Variants in GAS2 observed in about 807,000 individuals in gnomAD.
GAS2 encodes growth arrest specific 2.
GAS2 carries 20 observed loss-of-function variants against 37.5 expected under a neutral mutation model. The ratio of observed to expected loss-of-function variants is 0.53; its 90% CI spans 0.37 to 0.77. The LOEUF is 0.77. GAS2 is among the 30% of genes least tolerant of loss of function. GAS2 has a pLI of 0.00. For synonymous variants in GAS2, 144 were observed against 132.2 expected (o/e 1.09, Z -0.61); for missense variants, 336 against 373.4 (o/e 0.90, Z 0.82).
intron 7 of GAS2, among the ~76,000 whole-genome samples, chr11:22,789,315 CACACACACACACACACAA>C (rs1173328636): frequency 7.4e-6 from 1 of 134,424 alleles, no homozygotes; most frequent in African/African-American, 2.9e-5. Flanking sequence ...CACACACACA[CACACACACACACACACAA>C]ACACACACAC....
intron 3 of GAS2, among the ~76,000 whole-genome samples, chr11:22,704,389 T>C (rs1429791499): frequency 6.6e-6 from 1 of 151,666 alleles, no homozygotes; most frequent in Non-Finnish European, 1.5e-5. Flanking sequence ...AAAAGGTTAA[T>C]CTGGCATTGC....
At chr11:22,642,758 A>G (rs543220030) in intron 1 of GAS2, among the ~76,000 whole-genome samples, 1 of 152,224 alleles carries the variant, frequency 6.6e-6, no homozygotes, top group African/African-American at 2.4e-5. Flanking sequence ...CCACTAAAAA[A>G]AATGATTTTA....
rs147447410 is a variant in GAS2, at chr11:22,699,624, A to G, written c.267+13835A>G. Among the ~76,000 whole-genome samples, 530 of 152,270 alleles carry G rather than the reference A, an allele frequency of 3.5e-3. 3 individuals carry two copies. The highest frequency in any genetic ancestry group is 0.012 in the African/African-American group (494 of 41,566). On this transcript the variant is annotated intron_variant, in intron 3 of 7. Coordinates refer to ENST00000454584, the MANE Select transcript of GAS2 (RefSeq NM_001143830.3). ...GAGGGCAGCTGAACAGAAATGGTTAATAGTGTATACTCAGTAGTCATACTA... is the reference window on the plus strand; with the variant it reads ...GAGGGCAGCTGAACAGAAATGGTTAGTAGTGTATACTCAGTAGTCATACTA...
chr11:22,760,666 A>G (rs531475884), intron 7 of GAS2, among the ~76,000 whole-genome samples: 11 of 152,350 alleles, frequency 7.2e-5, no homozygotes, highest in Non-Finnish European at 1.5e-4. Flanking sequence ...TTATATTTAC[A>G]TATAAAATAG....
chr11:22,789,454 A>ATATATATATATATATATTT (rs1564889924), intron 7 of GAS2, among the ~76,000 whole-genome samples: 1 of 61,214 alleles, frequency 1.6e-5, no homozygotes, highest in Non-Finnish European at 3.3e-5. Context: ...ATATATATAT[A>ATATATATATATATATATTT]TTCTTTTTTT....
At chr11:22,688,586 C>A (rs1290581072) in intron 3 of GAS2, among the ~76,000 whole-genome samples, 1 of 151,858 alleles carries the variant, frequency 6.6e-6, no homozygotes. Flanking sequence ...TTTTAAACAG[C>A]CATTTCAATA....
intron 1 of GAS2, among the ~76,000 whole-genome samples, chr11:22,627,048 C>G (rs1325912560): frequency 6.6e-6 from 1 of 152,236 alleles, no homozygotes; most frequent in Non-Finnish European, 1.5e-5. Flanking sequence ...CCGCCTCGGC[C>G]TCCCAAAGTG....
chr11:22,764,460 TGA>T (rs1357566273), intron 7 of GAS2, among the ~76,000 whole-genome samples: 1 of 148,802 alleles, frequency 6.7e-6, no homozygotes, highest in African/African-American at 2.5e-5. Context: ...CTCCGGAGGC[TGA>T]GTCAGGAGAA....
upstream of GAS2, among the ~76,000 whole-genome samples, chr11:22,663,798 T>C (rs1848943623): frequency 6.6e-6 from 1 of 152,204 alleles, no homozygotes; most frequent in African/African-American, 2.4e-5. Context: ...CGTAACACTA[T>C]TTGTAATGAC....
intron 1 of GAS2, among the ~76,000 whole-genome samples, chr11:22,629,377 G>A (rs1858713751): frequency 6.6e-6 from 1 of 151,962 alleles, no homozygotes; most frequent in Admixed American, 6.6e-5. Context: ...CCAGGGTAAG[G>A]TAGTATCCTT....
chr11:22,737,674 T>C (rs1472745153), intron 4 of GAS2, 31 bp from the exon 5 acceptor site: 1 of 1,608,406 alleles, frequency 6.2e-7, no homozygotes, highest in Admixed American at 1.7e-5. Flanking sequence ...CCTTCTATTG[T>C]AAAGGTGTTC....
At chr11:22,679,614 T>C (rs1320558424) in intron 2 of GAS2, among the ~76,000 whole-genome samples, 2 of 152,130 alleles carry the variant, frequency 1.3e-5, no homozygotes, top group Non-Finnish European at 2.9e-5. Context: ...AAATAAGCGT[T>C]CTCAAATTGT....
At position 22,700,543 on chromosome 11, in the gene GAS2, C is replaced by T. The variant is rs567236425; in HGVS notation, c.267+14754C>T. On this transcript the variant is annotated intron_variant, in intron 3 of 7. Coordinates refer to ENST00000454584, the MANE Select transcript of GAS2 (RefSeq NM_001143830.3). ...CAAGAGATTGGCTGAAGTAACAGAC[C>T]ATGGGGATTTAAACTAGTTAAGAAA... is the stretch of plus-strand genomic sequence containing the variant. 2.0e-5 allele frequency among the ~76,000 whole-genome samples: 3 copies of T among 152,118 alleles called. No homozygotes were observed. The East Asian group carries it at 5.8e-4, about 29-fold the overall frequency.
chr11:22,697,417 G>C (rs1850586347), intron 3 of GAS2, among the ~76,000 whole-genome samples: 2 of 152,236 alleles, frequency 1.3e-5, no homozygotes, highest in South Asian at 4.2e-4. Context: ...GGATTGACTT[G>C]GCGATGCGGG....
intron 5 of GAS2, among the ~76,000 whole-genome samples, chr11:22,742,573 G>T (rs1227055530): frequency 2.0e-5 from 3 of 152,098 alleles, no homozygotes; most frequent in Non-Finnish European, 4.4e-5. Context: ...ACCTTAGGCA[G>T]TTTGAAGTAT....
At chr11:22,810,515 TA>T (rs1257952043) in intron 7 of GAS2, among the ~76,000 whole-genome samples, 1 of 152,238 alleles carries the variant, frequency 6.6e-6, no homozygotes, top group Admixed American at 6.5e-5. Flanking sequence ...CTTTCTGTTC[TA>T]AATTTCTCAT....
chr11:22,630,770 G>C (rs1858735145), intron 1 of GAS2, among the ~76,000 whole-genome samples: 2 of 152,108 alleles, frequency 1.3e-5, no homozygotes, highest in South Asian at 4.1e-4. Context: ...TGTAGAATTT[G>C]ATGTTGAGTA....
At chr11:22,691,203 G>A (rs1216801841) in intron 3 of GAS2, among the ~76,000 whole-genome samples, 2 of 152,142 alleles carry the variant, frequency 1.3e-5, no homozygotes, top group African/African-American at 4.8e-5. Flanking sequence ...TCTAAATGTA[G>A]AATCCAGTCC....
intron 7 of GAS2, among the ~76,000 whole-genome samples, chr11:22,771,893 C>G (rs1499241): frequency 0.52 from 78,840 of 151,918 alleles, 21,056 homozygotes; most frequent in South Asian, 0.62. Flanking sequence ...TTCTTTGTAG[C>G]TTCTGTTTCC....
Sources: gnomAD v4.1 joint callset for allele counts (sites outside exome capture counted in the v4.1 genomes callset) on GRCh38, gnomAD v4.1.1 for gene constraint, MANE v1.5 for transcripts, NCBI Gene and HGNC (gene_info 2026-07-23, HGNC 2026-07-21) for gene names.